Variants in SH3GLB1 observed in about 807,000 individuals in gnomAD.
The protein encoded by SH3GLB1 is SH3 domain containing GRB2 like, endophilin B1.
A neutral mutation model predicts 42.0 loss-of-function variants in SH3GLB1; 17 were observed. That is an observed-to-expected ratio of 0.40 (90% CI 0.28 to 0.61). The LOEUF (loss-of-function observed/expected upper bound fraction) is 0.61, where lower values mean the gene tolerates loss of function less well. SH3GLB1 is among the 20% of genes least tolerant of loss of function. The pLI is 0.36. For missense variants in SH3GLB1, 355 were observed against 426.3 expected, an observed-to-expected ratio of 0.83 and a Z score of 1.47; for synonymous variants, 132 against 146.6, an observed-to-expected ratio of 0.90 and a Z score of 0.72.
At chr1:86,740,288 A>T (rs1421753061) in intron 7 of SH3GLB1, among the ~76,000 whole-genome samples, 1 of 152,222 alleles carries the variant, frequency 6.6e-6, no homozygotes, top group African/African-American at 2.4e-5. Flanking sequence ...AATAGTCATC[A>T]GGGGAATGAA....
In SH3GLB1 at chr1:86,742,207, G is replaced by C. The variant is rs1656092208; in HGVS notation, c.762-1G>C. The C allele has an allele frequency of 6.2e-7, 1 of 1,612,068 alleles. No individual in the cohort carries two copies. The highest frequency in any genetic ancestry group is 1.3e-5 in the African/African-American group (1 of 74,882). On this transcript the variant is annotated splice_acceptor_variant, in intron 7 of 8. Transcript: ENST00000370558. LOFTEE classifies it high-confidence loss of function. The stretch of plus-strand genomic sequence containing the variant: ...ATAATTCGCTGCTTTCTTTTCAACA[G>C]TTTTCCATCCAATTATCTTAGTAAC...
chr1:86,741,243 T>C (rs1656047537), intron 7 of SH3GLB1, among the ~76,000 whole-genome samples: 1 of 152,188 alleles, frequency 6.6e-6, no homozygotes, highest in African/African-American at 2.4e-5. Context: ...ATGACTGAAA[T>C]GATTTCCAGA....
intron 1 of SH3GLB1, among the ~76,000 whole-genome samples, chr1:86,705,764 C>T (rs1037870367): frequency 6.6e-6 from 1 of 152,178 alleles, no homozygotes; most frequent in Non-Finnish European, 1.5e-5. Context: ...ACAGTCATCA[C>T]CCATGTTATG....
At position 86,747,828 on chromosome 1, in the gene SH3GLB1, G is replaced by T. The variant is rs1656373492; in HGVS notation, c.*4593G>T. The T allele has an allele frequency of 6.6e-6, 1 of 152,156 alleles. No individual in the cohort carries two copies. Among genetic ancestry groups the T allele is most frequent in the Admixed American group, 6.5e-5 (1 of 15,276 alleles). The allele number at this position is 152,156 out of a possible 1,614,324, so 9.4% of individuals were successfully genotyped here. A position where few individuals can be genotyped will look rare whatever the true frequency, so the allele number is the denominator to read the frequency against. ...CTTACTTCAAAGGACACTTTTTAAAGAATTGTTAATGCTTTTTTATAATAC... is the reference window on the plus strand; with the variant it reads ...CTTACTTCAAAGGACACTTTTTAAATAATTGTTAATGCTTTTTTATAATAC... On this transcript the variant is annotated 3_prime_UTR_variant, in exon 9 of 9. Transcript: ENST00000370558.
intron 1 of SH3GLB1, among the ~76,000 whole-genome samples, chr1:86,710,266 A>ATTT (rs34909531): frequency 6.9e-6 from 1 of 145,926 alleles, no homozygotes. Flanking sequence ...TCTTGAAAGA[A>ATTT]TTTTTTTTTT....
intron 1 of SH3GLB1, among the ~76,000 whole-genome samples, chr1:86,712,674 A>C (rs549762374): frequency 2.0e-5 from 3 of 152,124 alleles, no homozygotes; most frequent in African/African-American, 7.2e-5. Context: ...ATGTGACCCT[A>C]CAGTACTGCT....
chr1:86,722,010 C>CTTTTTT lies in SH3GLB1; in HGVS notation c.344-513_344-508dup, dbSNP rs377380040. Among the ~76,000 whole-genome samples the CTTTTTT allele has an allele frequency of 3.0e-4, 33 of 111,598 alleles. 1 individual carries two copies. The highest frequency in any genetic ancestry group is 3.7e-4 in the African/African-American group (10 of 26,904). 73.2% of individuals were successfully genotyped at this position (111,598 alleles called of 152,430 possible). A position where few individuals can be genotyped will look rare whatever the true frequency, so the allele number is the denominator to read the frequency against. On this transcript the variant is annotated intron_variant, in intron 3 of 8. Coordinates refer to ENST00000370558, the MANE Select transcript of SH3GLB1 (RefSeq NM_016009.5). ...ACATGTTCAGTACAGAGGCAACCAT[C>CTTTTTT]TTTTTTTTTTTTTTTTTTTTTTAAT...
chr1:86,732,883 G>T lies in SH3GLB1; in HGVS notation c.571-1719G>T, dbSNP rs191975402. 2.7e-4 allele frequency among the ~76,000 whole-genome samples: 41 copies of T among 152,038 alleles called. No individual in the cohort carries two copies. In the East Asian group the frequency reaches 3.9e-3, roughly 14 times the overall value. Reference sequence around the variant, plus strand: ...GATTTTTCTGCCATTTCTACTAAAGGCCATTAAATTAAACCGTACTTTGAC... The same window carrying T: ...GATTTTTCTGCCATTTCTACTAAAGTCCATTAAATTAAACCGTACTTTGAC... On this transcript the variant is annotated intron_variant, in intron 5 of 8. Coordinates refer to ENST00000370558, the MANE Select transcript of SH3GLB1 (RefSeq NM_016009.5).
Position 86,743,522 on chromosome 1 carries a change from T to C in SH3GLB1, c.*287T>C, listed in dbSNP as rs1570305908. 2.0e-5 allele frequency: 4 copies of C among 202,598 alleles called. No individual in the cohort carries two copies. Among genetic ancestry groups the C allele is most frequent in the Non-Finnish European group, 3.9e-5 (4 of 101,442 alleles). 12.6% of individuals were successfully genotyped at this position (202,598 alleles called of 1,614,324 possible). A position where few individuals can be genotyped will look rare whatever the true frequency, so the allele number is the denominator to read the frequency against. ...AGCCTCAACTTAAAGCAGAACTGTTTTCTACTGGATTTTTCATTAACAGCA... is the reference window on the plus strand; with the variant it reads ...AGCCTCAACTTAAAGCAGAACTGTTCTCTACTGGATTTTTCATTAACAGCA... On this transcript the variant is annotated 3_prime_UTR_variant, in exon 9 of 9. Coordinates refer to ENST00000370558, the MANE Select transcript of SH3GLB1 (RefSeq NM_016009.5).
At chr1:86,732,266 C>T (rs1655551430) in intron 5 of SH3GLB1, among the ~76,000 whole-genome samples, 1 of 152,176 alleles carries the variant, frequency 6.6e-6, no homozygotes, top group Non-Finnish European at 1.5e-5. Context: ...CTTCCAGTTA[C>T]ATTTTAGAAA....
At chr1:86,722,381 A>T (rs1312075480) in intron 3 of SH3GLB1, among the ~76,000 whole-genome samples, 159 bp from the exon 4 acceptor site, 1 of 152,198 alleles carries the variant, frequency 6.6e-6, no homozygotes, top group Non-Finnish European at 1.5e-5. Flanking sequence ...TTACTTTTAA[A>T]ATAAAACTAC....
intron 7 of SH3GLB1, among the ~76,000 whole-genome samples, chr1:86,738,338 T>G (rs1655884176): frequency 6.6e-6 from 1 of 152,148 alleles, no homozygotes; most frequent in Non-Finnish European, 1.5e-5. Context: ...CAATCTCGGC[T>G]CACTGCAAGC....
intron 2 of SH3GLB1, among the ~76,000 whole-genome samples, 188 bp downstream of exon 2, chr1:86,716,053 AATG>A (rs1654508337): frequency 6.6e-6 from 1 of 152,180 alleles, no homozygotes; most frequent in Admixed American, 6.5e-5. Flanking sequence ...CCAATTTTAA[AATG>A]ATATTTTTCA....
At chr1:86,737,961 G>A (rs974710857) in intron 7 of SH3GLB1, among the ~76,000 whole-genome samples, 1 of 152,174 alleles carries the variant, frequency 6.6e-6, no homozygotes, top group Non-Finnish European at 1.5e-5. Context: ...AGAGGAAACG[G>A]GGAGCCAAAA....
chr1:86,722,993 T>G (rs183376759), intron 4 of SH3GLB1, among the ~76,000 whole-genome samples: 2 of 152,362 alleles, frequency 1.3e-5, no homozygotes, highest in East Asian at 3.8e-4. Context: ...ATATACCGTG[T>G]AGCTCTTCAT....
intron 5 of SH3GLB1, among the ~76,000 whole-genome samples, chr1:86,727,108 G>A (rs1364287348): frequency 6.6e-6 from 1 of 151,916 alleles, no homozygotes; most frequent in East Asian, 1.9e-4. Context: ...GCAAGGTACT[G>A]TACTGAGGAG....
chr1:86,711,551 A>T (rs1006285814), intron 1 of SH3GLB1, among the ~76,000 whole-genome samples: 3 of 152,180 alleles, frequency 2.0e-5, no homozygotes, highest in African/African-American at 7.2e-5. Flanking sequence ...TTGTTTACAC[A>T]AAAGTTCTTA....
intron 5 of SH3GLB1, chr1:86,728,627 C>A: frequency 2.0e-6 from 1 of 511,614 alleles, no homozygotes; most frequent in Non-Finnish European, 3.5e-6. Context: ...AAAATACTAG[C>A]TGAAGTAATA....
At chr1:86,720,826 GCTTTTTTA>G in intron 3 of SH3GLB1, among the ~76,000 whole-genome samples, 1 of 152,200 alleles carries the variant, frequency 6.6e-6, no homozygotes, top group East Asian at 1.9e-4. Context: ...CCATTGACAG[GCTTTTTTA>G]GGTACACAAC....
Sources: allele counts gnomAD v4.1 joint callset (sites outside exome capture counted in the v4.1 genomes callset), GRCh38; gene constraint gnomAD v4.1.1; transcripts MANE v1.5; gene names NCBI Gene and HGNC (gene_info 2026-07-23, HGNC 2026-07-21).